ZNF804B: variants seen among roughly 807,000 people sequenced by gnomAD.
ZNF804B encodes the protein zinc finger protein 804B.
In ZNF804B, 80 loss-of-function variants were observed where a neutral mutation model predicts 101.4. That is an observed-to-expected ratio of 0.79 (90% CI 0.66 to 0.95). The LOEUF is 0.95. Among genes scored for constraint, ZNF804B ranks in the 40% least tolerant of loss-of-function variants. The pLI is 0.00. For synonymous variants in ZNF804B, 622 were observed against 558.8 expected (o/e 1.11, Z -1.59); for missense variants, 1,673 against 1,561.9 (o/e 1.07, Z -1.20).
intron 1 of ZNF804B, among the ~76,000 whole-genome samples, chr7:88,947,657 C>T (rs1793156948): frequency 6.6e-6 from 1 of 151,484 alleles, no homozygotes; most frequent in South Asian, 2.1e-4. Flanking sequence ...TATCACAGAA[C>T]TTAAAGTATA....
intron 1 of ZNF804B, among the ~76,000 whole-genome samples, chr7:88,989,423 C>T (rs1209310849): frequency 6.6e-6 from 1 of 152,104 alleles, no homozygotes; most frequent in Non-Finnish European, 1.5e-5. Flanking sequence ...ATCTTTGCAT[C>T]ATAGTGCTTG....
chr7:88,767,898 C>A (rs936277178), intron 1 of ZNF804B, among the ~76,000 whole-genome samples: 2 of 152,194 alleles, frequency 1.3e-5, no homozygotes, highest in Non-Finnish European at 2.9e-5. Context: ...TGGGCCATAT[C>A]TTGTATATTC....
At chr7:88,886,634 T>TG (rs202022787) in intron 1 of ZNF804B, among the ~76,000 whole-genome samples, 5,294 of 151,848 alleles carry the variant, frequency 0.035, 110 homozygotes, top group Admixed American at 0.044. Context: ...TTCATTATAA[T>TG]GTTTCAGCAG....
At chr7:89,161,866 A>G (rs1212852401) in intron 1 of ZNF804B, among the ~76,000 whole-genome samples, 1 of 152,114 alleles carries the variant, frequency 6.6e-6, no homozygotes, top group Non-Finnish European at 1.5e-5. Context: ...GCAATATCAT[A>G]GTGATTTTTA....
chr7:89,239,801 T>TTATA (rs35773657), intron 2 of ZNF804B, among the ~76,000 whole-genome samples: 35 of 149,976 alleles, frequency 2.3e-4, no homozygotes, highest in Non-Finnish European at 3.3e-4. Context: ...TCATTTTTCT[T>TTATA]TATATATATA....
At chr7:89,220,194 C>CACACATATATATGTGCGTATATA in intron 2 of ZNF804B, among the ~76,000 whole-genome samples, 1 of 62,006 alleles carries the variant, frequency 1.6e-5, no homozygotes, top group African/African-American at 6.1e-5. Context: ...TATATATATC[C>CACACATATATATGTGCGTATATA]TTGGGAAATG....
At chr7:89,038,599 G>A (rs2116244253) in intron 1 of ZNF804B, among the ~76,000 whole-genome samples, 1 of 152,022 alleles carries the variant, frequency 6.6e-6, no homozygotes, top group South Asian at 2.1e-4. Flanking sequence ...AAATATTTTT[G>A]CTCATTCTGT....
chr7:89,271,356 T>A (rs1313877394), intron 2 of ZNF804B, among the ~76,000 whole-genome samples: 3 of 152,194 alleles, frequency 2.0e-5, no homozygotes, highest in African/African-American at 7.2e-5. Context: ...TCTGTTTATA[T>A]GCTGGATTAC....
At chr7:89,320,606 A>C (rs1032087441) in intron 2 of ZNF804B, among the ~76,000 whole-genome samples, 4 of 152,092 alleles carry the variant, frequency 2.6e-5, no homozygotes, top group African/African-American at 9.7e-5. Context: ...AAAAAAATGG[A>C]AAAGATACTA....
At chr7:89,186,514 G>C (rs186697403) in intron 1 of ZNF804B, among the ~76,000 whole-genome samples, 49 of 152,176 alleles carry the variant, frequency 3.2e-4, no homozygotes, top group African/African-American at 1.1e-3. Context: ...AGCAATTTCT[G>C]TCATGTGGCC....
At chr7:89,033,751 T>C (rs1208438174) in intron 1 of ZNF804B, among the ~76,000 whole-genome samples, 1 of 151,292 alleles carries the variant, frequency 6.6e-6, no homozygotes, top group African/African-American at 2.5e-5. Context: ...AAAGGAAATA[T>C]TGTTCTAAAA....
intron 1 of ZNF804B, among the ~76,000 whole-genome samples, chr7:88,762,839 A>C (rs1221584627): frequency 6.6e-6 from 1 of 152,124 alleles, no homozygotes; most frequent in Non-Finnish European, 1.5e-5. Flanking sequence ...ACTTTCACTA[A>C]GATTTCCAAT....
chr7:88,873,666 C>T (rs532375540), intron 1 of ZNF804B, among the ~76,000 whole-genome samples: 2 of 152,216 alleles, frequency 1.3e-5, no homozygotes, highest in East Asian at 1.9e-4. Context: ...AGGAAGGGAT[C>T]CAGTTTCAGC....
chr7:88,916,088 C>G (rs1192144914), intron 1 of ZNF804B, among the ~76,000 whole-genome samples: 1 of 151,986 alleles, frequency 6.6e-6, no homozygotes, highest in African/African-American at 2.4e-5. Context: ...AATGAAAACT[C>G]TTGTGAGAAA....
chr7:89,207,534 G>A (rs1788732533), intron 1 of ZNF804B, among the ~76,000 whole-genome samples: 1 of 152,166 alleles, frequency 6.6e-6, no homozygotes, highest in Non-Finnish European at 1.5e-5. Context: ...TACAATTCAA[G>A]GTGAGATTTG....
At chr7:89,299,896 C>T (rs1790449158) in intron 2 of ZNF804B, among the ~76,000 whole-genome samples, 3 of 151,888 alleles carry the variant, frequency 2.0e-5, no homozygotes, top group Admixed American at 2.0e-4. Context: ...AGGAAAACAT[C>T]TTACTGAAAT....
chr7:88,823,023 A>G (rs1317699698), intron 1 of ZNF804B, among the ~76,000 whole-genome samples: 1 of 152,102 alleles, frequency 6.6e-6, no homozygotes, highest in East Asian at 1.9e-4. Context: ...AGCCTGGCCA[A>G]TATGGTGAAA....
At chr7:89,044,892 T>C (rs2116254603) in intron 1 of ZNF804B, among the ~76,000 whole-genome samples, 1 of 152,274 alleles carries the variant, frequency 6.6e-6, no homozygotes, top group South Asian at 2.1e-4. Flanking sequence ...GAAATTTGCA[T>C]AAGTAACAAG....
intron 1 of ZNF804B, among the ~76,000 whole-genome samples, chr7:88,854,304 A>T (rs1443328786): frequency 1.3e-5 from 2 of 152,126 alleles, no homozygotes; most frequent in Non-Finnish European, 2.9e-5. Context: ...CACACACAGA[A>T]AATAAGGGGG....
Sources: gnomAD v4.1 joint callset for allele counts (sites outside exome capture counted in the v4.1 genomes callset) on GRCh38, gnomAD v4.1.1 for gene constraint, MANE v1.5 for transcripts, NCBI Gene and HGNC (gene_info 2026-07-23, HGNC 2026-07-21) for gene names.